SPATA16: variants seen among roughly 807,000 people sequenced by gnomAD.
SPATA16 encodes the protein spermatogenesis associated 16, also known as spermatogenesis-associated protein 16.
A neutral mutation model predicts 63.3 loss-of-function variants in SPATA16; 36 were observed. That is an observed-to-expected ratio of 0.57 (90% CI 0.44 to 0.75). The LOEUF (loss-of-function observed/expected upper bound fraction) is 0.75. Ranked by LOEUF, SPATA16 falls within the 30% of genes least tolerant of loss-of-function variation. The probability of loss-of-function intolerance (pLI) is 0.00; values close to 1 mark genes in which losing one functional copy is unlikely to be tolerated. For synonymous variants in SPATA16, 203 were observed against 216.7 expected, an observed-to-expected ratio of 0.94 and a Z score of 0.56; for missense variants, 646 against 679.3, an observed-to-expected ratio of 0.95 and a Z score of 0.54.
intron 6 of SPATA16, among the ~76,000 whole-genome samples, chr3:172,932,684 A>G (rs1252200882): frequency 1.3e-5 from 2 of 152,170 alleles, no homozygotes; most frequent in Non-Finnish European, 2.9e-5. Context: ...TTGCCCCCCC[A>G]TAAATAATAA....
chr3:173,010,246 G>GC (rs756241500), intron 4 of SPATA16, among the ~76,000 whole-genome samples: 17 of 152,142 alleles, frequency 1.1e-4, no homozygotes, highest in Admixed American at 2.6e-4. Context: ...AGGCCATTGT[G>GC]CCCCCCTCTG....
chr3:172,942,454 C>T (rs575857919), intron 6 of SPATA16, among the ~76,000 whole-genome samples: 13 of 152,130 alleles, frequency 8.5e-5, no homozygotes, highest in African/African-American at 2.9e-4. Flanking sequence ...ATACAAAAAA[C>T]GTTAACATTA....
At chr3:173,061,555 A>T (rs1374508663) in intron 2 of SPATA16, among the ~76,000 whole-genome samples, 1 of 152,234 alleles carries the variant, frequency 6.6e-6, no homozygotes, top group African/African-American at 2.4e-5. Context: ...CCTTAATGGG[A>T]TCTTTAAAAT....
At chr3:173,108,162 T>C (rs750724874) in intron 2 of SPATA16, among the ~76,000 whole-genome samples, 3 of 152,126 alleles carry the variant, frequency 2.0e-5, no homozygotes, top group Admixed American at 1.3e-4. Context: ...TTCGGTGAAG[T>C]TTTCACTTGT....
chr3:172,933,530 T>C (rs1732915763), intron 6 of SPATA16, among the ~76,000 whole-genome samples: 1 of 152,220 alleles, frequency 6.6e-6, no homozygotes, highest in African/African-American at 2.4e-5. Flanking sequence ...AGAATGTTGC[T>C]ATTATATTCA....
Position 173,082,158 on chromosome 3 carries a change from A to G in SPATA16, c.613-33064T>C, listed in dbSNP as rs1736938368. ...AGCACCTTGTACCAGGCGTACCCCA[A>G]CATTTGCAGGGCCTGGGGTAAGAAT... On this transcript the variant is annotated intron_variant, in intron 2 of 10. Transcript: ENST00000351008. Among the ~76,000 whole-genome samples, 4 of 152,158 alleles carry G rather than the reference A, an allele frequency of 2.6e-5. No individual in the cohort carries two copies. The South Asian group carries it at 8.3e-4, about 32-fold the overall frequency.
intron 1 of SPATA16, among the ~76,000 whole-genome samples, chr3:173,129,977 G>A (rs1285336884): frequency 6.6e-6 from 1 of 152,180 alleles, no homozygotes; most frequent in African/African-American, 2.4e-5. Context: ...TATTTGCAGA[G>A]GTTGAACTGG....
At chr3:172,990,664 A>G (rs1734555686) in intron 4 of SPATA16, among the ~76,000 whole-genome samples, 1 of 152,160 alleles carries the variant, frequency 6.6e-6, no homozygotes, top group African/African-American at 2.4e-5. Flanking sequence ...TGAGACAGGA[A>G]GGATATGAAA....
At position 172,984,494 on chromosome 3, in the gene SPATA16, G is replaced by A. The variant is rs555585853; in HGVS notation, c.849-7442C>T. Among the ~76,000 whole-genome samples the A allele has an allele frequency of 2.6e-5, 4 of 152,278 alleles. No homozygotes were observed. In the South Asian group the frequency reaches 8.3e-4, roughly 32 times the overall value. ...GGAGACTCAGCTTTGATAATGCTCT[G>A]GGTTCAGGAGTTTCAGTAGTTGGTG... On this transcript the variant is annotated intron_variant, in intron 4 of 10. Coordinates refer to ENST00000351008, the MANE Select transcript of SPATA16 (RefSeq NM_031955.6).
chr3:172,933,776 A>T (rs776593559), intron 6 of SPATA16, among the ~76,000 whole-genome samples: 14 of 152,164 alleles, frequency 9.2e-5, no homozygotes, highest in Non-Finnish European at 1.9e-4. Flanking sequence ...TTGAGCTGTG[A>T]TTCCTACCAC....
intron 6 of SPATA16, among the ~76,000 whole-genome samples, chr3:172,927,535 C>T (rs185899856): frequency 3.3e-5 from 5 of 152,268 alleles, no homozygotes; most frequent in African/African-American, 9.6e-5. Flanking sequence ...TTCTTCTGTG[C>T]CACACACATT....
chr3:172,970,335 C>T (rs1204158393), intron 5 of SPATA16, among the ~76,000 whole-genome samples: 1 of 152,158 alleles, frequency 6.6e-6, no homozygotes, highest in Admixed American at 6.6e-5. Context: ...TCTTACCTTT[C>T]CCTATATCTT....
chr3:172,979,758 T>C (rs1734255693), intron 4 of SPATA16, among the ~76,000 whole-genome samples: 1 of 152,188 alleles, frequency 6.6e-6, no homozygotes, highest in Non-Finnish European at 1.5e-5. Context: ...GCTCTCCAAA[T>C]TGATATTGAA....
At chr3:173,100,660 GCA>G (rs3980195) in intron 2 of SPATA16, among the ~76,000 whole-genome samples, 19,824 of 133,800 alleles carry the variant, frequency 0.15, 1,548 homozygotes, top group African/African-American at 0.21. Context: ...CACATAAACA[GCA>G]CACACACACA....
intron 2 of SPATA16, among the ~76,000 whole-genome samples, chr3:173,079,323 T>C (rs1404089728): frequency 6.6e-6 from 1 of 152,088 alleles, no homozygotes; most frequent in African/African-American, 2.4e-5. Context: ...ATGGTGAACA[T>C]AAATAAGAAA....
intron 4 of SPATA16, among the ~76,000 whole-genome samples, chr3:172,978,153 CTCTCTCTCTA>C (rs1035403471): frequency 2.0e-5 from 3 of 148,800 alleles, no homozygotes; most frequent in Non-Finnish European, 4.4e-5. Context: ...CTCTCTCTCT[CTCTCTCTCTA>C]TATATATATA....
In SPATA16 at chr3:172,925,949, C is replaced by T. The variant is rs201414315; in HGVS notation, c.1082-457G>A. 5.9e-5 allele frequency among the ~76,000 whole-genome samples: 9 copies of T among 152,216 alleles called. No homozygotes were observed. In the East Asian group the frequency reaches 1.7e-3, roughly 29 times the overall value. On this transcript the variant is annotated intron_variant, in intron 6 of 10. Transcript: ENST00000351008. ...CAAGCGATTCTCCTGCTTTAGCCTC[C>T]TGAGTAGCTGGGATTACAGGCGCCC...
At chr3:173,030,322 T>A (rs142921112) in intron 3 of SPATA16, among the ~76,000 whole-genome samples, 40 of 152,142 alleles carry the variant, frequency 2.6e-4, no homozygotes, top group Admixed American at 1.5e-3. Flanking sequence ...TATTTGCAAA[T>A]CTTATATCTG....
At chr3:172,929,086 T>C (rs1732806162) in intron 6 of SPATA16, among the ~76,000 whole-genome samples, 1 of 152,226 alleles carries the variant, frequency 6.6e-6, no homozygotes, top group Non-Finnish European at 1.5e-5. Context: ...ATTACCCTTC[T>C]GTAGGAAAGT....
Sources: gnomAD v4.1 joint callset for allele counts (sites outside exome capture counted in the v4.1 genomes callset) on GRCh38, gnomAD v4.1.1 for gene constraint, MANE v1.5 for transcripts, NCBI Gene and HGNC (gene_info 2026-07-23, HGNC 2026-07-21) for gene names.